Variants in INO80 observed in about 807,000 individuals in gnomAD.
The protein encoded by INO80 is chromatin-remodeling ATPase INO80.
INO80 carries 20 observed loss-of-function variants against 203.4 expected under a neutral mutation model. That is an observed-to-expected ratio of 0.10 (90% confidence interval 0.07 to 0.14). INO80 has a LOEUF of 0.14. INO80 is among the 10% of genes least tolerant of loss of function. INO80 has a pLI of 1.00. For synonymous variants in INO80, 726 were observed against 685.2 expected, an observed-to-expected ratio of 1.06 and a Z score of -0.93; for missense variants, 1,419 against 1,914.4, an observed-to-expected ratio of 0.74 and a Z score of 4.83.
At chr15:41,026,645 T>C (rs1029055187) in intron 25 of INO80, among the ~76,000 whole-genome samples, 1 of 151,708 alleles carries the variant, frequency 6.6e-6, no homozygotes, top group African/African-American at 2.4e-5. Flanking sequence ...GAGAAAAACA[T>C]AAAAGGGTAA....
chr15:41,109,567 CG>C (rs1175716467), intron 1 of INO80, among the ~76,000 whole-genome samples: 1 of 152,042 alleles, frequency 6.6e-6, no homozygotes, highest in Non-Finnish European at 1.5e-5. Context: ...GAGGCTGAGG[CG>C]GGTGGATCAC....
Position 41,008,254 on chromosome 15 carries a change from C to T in INO80, c.3403-2567G>A, listed in dbSNP as rs1306907416. ...ACACACACACACACACACACACACA[C>T]GAATATTATTCAGCCTTAAAAAGAA... is the stretch of plus-strand genomic sequence containing the variant. On this transcript the variant is annotated intron_variant, in intron 27 of 35. Transcript: ENST00000648947. 5.6e-5 allele frequency among the ~76,000 whole-genome samples: 8 copies of T among 143,602 alleles called. No individual in the cohort carries two copies. The South Asian group carries it at 1.2e-3, about 21-fold the overall frequency. 94.2% of individuals were successfully genotyped at this position (143,602 alleles called of 152,430 possible). A position where few individuals can be genotyped will look rare whatever the true frequency, so the allele number is the denominator to read the frequency against.
At chr15:41,032,486 T>C (rs1167143646) in intron 24 of INO80, among the ~76,000 whole-genome samples, 1 of 152,204 alleles carries the variant, frequency 6.6e-6, no homozygotes, top group African/African-American at 2.4e-5. Context: ...GAAATGATGA[T>C]ATAGATACAG....
At chr15:40,988,216 A>G (rs1424309354) in intron 29 of INO80, among the ~76,000 whole-genome samples, 1 of 152,174 alleles carries the variant, frequency 6.6e-6, no homozygotes, top group Admixed American at 6.5e-5. Context: ...TGGCAATAAT[A>G]TTAATAGTTA....
chr15:41,098,749 C>T (rs771809835), intron 1 of INO80, among the ~76,000 whole-genome samples: 29 of 151,488 alleles, frequency 1.9e-4, no homozygotes, highest in Non-Finnish European at 3.7e-4. Context: ...ACATATACAA[C>T]TTTTTTTTTA....
chr15:41,088,238 C>T (rs1050014502), intron 5 of INO80, among the ~76,000 whole-genome samples: 1 of 151,826 alleles, frequency 6.6e-6, no homozygotes, highest in Non-Finnish European at 1.5e-5. Flanking sequence ...TACAAGCACA[C>T]GCCACCACAC....
In INO80 at chr15:41,073,476, G is replaced by A. The variant is rs773974842; in HGVS notation, c.1347C>T (p.Ala449=). The A allele has an allele frequency of 1.9e-6, 3 of 1,613,888 alleles. No homozygotes were observed. Among genetic ancestry groups the A allele is most frequent in the Non-Finnish European group, 2.5e-6 (3 of 1,179,898 alleles). Reference sequence around the variant, plus strand: ...CATTTTCAGCATTCTTCAGGGCCTGGGCTTTAAAATGGTTACTATCTGAAA... The same window carrying A: ...CATTTTCAGCATTCTTCAGGGCCTGAGCTTTAAAATGGTTACTATCTGAAA... The part of the protein sequence containing the change: ...QEDYDSNHFK[A]QALKNAENAY... Residue 449 remains alanine, a synonymous_variant, in exon 11 of 36, where the codon GCC becomes GCT. Coordinates refer to ENST00000648947, the MANE Select transcript of INO80 (RefSeq NM_017553.3).
intron 24 of INO80, among the ~76,000 whole-genome samples, chr15:41,043,984 A>C (rs2044710929): frequency 6.6e-6 from 1 of 152,192 alleles, no homozygotes; most frequent in South Asian, 2.1e-4. Flanking sequence ...AATAATTAAA[A>C]CTGTAAGGAA....
intron 14 of INO80, among the ~76,000 whole-genome samples, chr15:41,061,064 T>G (rs2045095945): frequency 6.6e-6 from 1 of 152,170 alleles, no homozygotes. Flanking sequence ...CCCAGCATTT[T>G]GGGAGACTGA....
At position 41,056,625 on chromosome 15, in the gene INO80, T is replaced by C; in HGVS notation, c.2067A>G (p.Ala689=). Reference sequence around the variant, plus strand: ...TGTGACCTGGACTAGTGCCTACCTCTGCCATGGTGTTCTGAATTGGGGTCC... The same window carrying C: ...TGTGACCTGGACTAGTGCCTACCTCCGCCATGGTGTTCTGAATTGGGGTCC... ...LTGTPIQNTM[A]ELWALLHFIM... The change falls in exon 17 of 36, where the codon GCA becomes GCG. Residue 689 remains alanine (A), a synonymous_variant. Transcript: ENST00000648947. 6.2e-7 allele frequency: 1 copy of C among 1,611,482 alleles called. No individual in the cohort carries two copies. The highest frequency in any genetic ancestry group is 8.5e-7 in the Non-Finnish European group (1 of 1,177,520).
At chr15:40,983,985 A>G in intron 33 of INO80, 64 bp from the exon 34 acceptor site, 1 of 1,553,194 alleles carries the variant, frequency 6.4e-7, no homozygotes, top group Admixed American at 1.7e-5. Flanking sequence ...CCTTGCACCC[A>G]GCTAGGAACA....
At chr15:41,033,999 T>C (rs2044532096) in intron 24 of INO80, among the ~76,000 whole-genome samples, 2 of 152,090 alleles carry the variant, frequency 1.3e-5, no homozygotes, top group African/African-American at 2.4e-5. Flanking sequence ...GAGGCAGAGC[T>C]TGCAGTGAGC....
At chr15:41,021,226 C>A in intron 25 of INO80, 101 bp from the exon 26 acceptor site, 2 of 742,166 alleles carry the variant, frequency 2.7e-6, no homozygotes, top group Non-Finnish European at 4.6e-6. Flanking sequence ...GTGGATAGTT[C>A]TTAGACTAGT....
chr15:41,099,737 G>A (rs1033333723), intron 1 of INO80, among the ~76,000 whole-genome samples: 4 of 150,716 alleles, frequency 2.7e-5, no homozygotes, highest in African/African-American at 4.9e-5. Flanking sequence ...AGTCATGAAC[G>A]CACCACTGTA....
chr15:41,059,841 T>C (rs1265353273), intron 15 of INO80, 26 bp downstream of exon 15: 21 of 1,493,598 alleles, frequency 1.4e-5, no homozygotes, highest in Non-Finnish European at 1.9e-5. Flanking sequence ...ACGGTACGTA[T>C]GTATGCAGTT....
intron 1 of INO80, among the ~76,000 whole-genome samples, chr15:41,114,708 CA>C (rs760373123): frequency 0.069 from 4,575 of 65,838 alleles, 125 homozygotes; most frequent in African/African-American, 0.16. Flanking sequence ...GACTCAGTCT[CA>C]AAAAAAAAAA....
chr15:41,086,623 C>T (rs533113332), intron 6 of INO80, among the ~76,000 whole-genome samples: 2 of 151,242 alleles, frequency 1.3e-5, no homozygotes, highest in Non-Finnish European at 2.9e-5. Flanking sequence ...TGCACTCCAG[C>T]CTGGGTGACA....
At chr15:41,029,749 G>C (rs2044431813) in intron 24 of INO80, among the ~76,000 whole-genome samples, 1 of 152,184 alleles carries the variant, frequency 6.6e-6, no homozygotes, top group African/African-American at 2.4e-5. Context: ...AAGATTAGCA[G>C]GCTAGGTGTC....
intron 28 of INO80, among the ~76,000 whole-genome samples, chr15:41,000,706 C>CAAAAAAAAAAAAAAAAAAA (rs58232890): frequency 5.3e-5 from 3 of 56,826 alleles, no homozygotes; most frequent in Non-Finnish European, 1.0e-4. Context: ...CACCCTGTCT[C>CAAAAAAAAAAAAAAAAAAA]AAAAAAAAAA....
Sources: allele counts gnomAD v4.1 joint callset (sites outside exome capture counted in the v4.1 genomes callset), GRCh38; gene constraint gnomAD v4.1.1; transcripts MANE v1.5; gene names NCBI Gene and HGNC (gene_info 2026-07-23, HGNC 2026-07-21).